The following P4HA1 variants were observed in gnomAD, a reference collection of about 807,000 sequenced individuals.
P4HA1 encodes prolyl 4-hydroxylase subunit alpha 1.
Under a neutral mutation model 72.8 loss-of-function variants are expected in P4HA1, and 24 were observed. That is an observed-to-expected ratio of 0.33 (90% confidence interval 0.24 to 0.46). The LOEUF is 0.46. Among genes scored for constraint, P4HA1 ranks in the 20% least tolerant of loss-of-function variants. P4HA1 has a pLI of 1.00. For synonymous variants in P4HA1, 201 were observed against 218.8 expected (o/e 0.92, Z 0.72); for missense variants, 446 against 640.6 (o/e 0.70, Z 3.28).
At chr10:73,025,305 G>T (rs1377373396) in intron 10 of P4HA1, among the ~76,000 whole-genome samples, 1 of 152,146 alleles carries the variant, frequency 6.6e-6, no homozygotes, top group East Asian at 1.9e-4. Flanking sequence ...TGCAAGGCTG[G>T]TTCAACATAC....
chr10:73,024,974 C>G (rs1261394815), intron 10 of P4HA1, among the ~76,000 whole-genome samples: 1 of 152,138 alleles, frequency 6.6e-6, no homozygotes, highest in East Asian at 1.9e-4. Flanking sequence ...ATAACAGACT[C>G]TGAAATTGAG....
chr10:73,069,605 CCTAAT>C, intron 4 of P4HA1, among the ~76,000 whole-genome samples: 1 of 152,044 alleles, frequency 6.6e-6, no homozygotes, highest in East Asian at 1.9e-4. Flanking sequence ...AATATATAAA[CCTAAT>C]CTTAGAGGAT....
At chr10:73,089,612 T>G (rs1442746953) in intron 1 of P4HA1, among the ~76,000 whole-genome samples, 2 of 151,274 alleles carry the variant, frequency 1.3e-5, no homozygotes, top group East Asian at 3.9e-4. Context: ...TCATGGTATA[T>G]TCATAAAATA....
chr10:73,047,868 C>T (rs1564628079), intron 7 of P4HA1, among the ~76,000 whole-genome samples: 1 of 152,014 alleles, frequency 6.6e-6, no homozygotes, highest in African/African-American at 2.4e-5. Flanking sequence ...CTAGGTCACA[C>T]AGCGAAATCT....
rs1245435970 is a variant in P4HA1 at position 73,037,554 on chromosome 10, TATATATATATA to T, written c.1149-7195_1149-7185del. Among the ~76,000 whole-genome samples, 73 of 33,150 alleles carry T rather than the reference TATATATATATA, an allele frequency of 2.2e-3. 3 individuals carry two copies. Among genetic ancestry groups the T allele is most frequent in the Admixed American group, 5.1e-3 (12 of 2,346 alleles). The allele number at this position is 33,150 out of a possible 152,430, so 21.7% of individuals were successfully genotyped here. A position where few individuals can be genotyped will look rare whatever the true frequency, so the allele number is the denominator to read the frequency against. On this transcript the variant is annotated intron_variant, in intron 9 of 14. Coordinates refer to ENST00000394890, the MANE Select transcript of P4HA1 (RefSeq NM_001017962.3). ...ATATATATATATATATATATATATA[TATATATATATA>T]TATATATTTTTTTTTTTTTTTTTTT...
chr10:73,083,411 A>G (rs1254816565), intron 1 of P4HA1, among the ~76,000 whole-genome samples: 4 of 152,216 alleles, frequency 2.6e-5, no homozygotes, highest in Admixed American at 6.5e-5. Context: ...ACTTATTGGC[A>G]TAATTCCAAA....
chr10:73,051,355 C>G, intron 6 of P4HA1, 106 bp from the exon 7 acceptor site: 1 of 654,108 alleles, frequency 1.5e-6, no homozygotes, highest in Admixed American at 2.9e-5. Flanking sequence ...TCTTCCAAAC[C>G]AGGTTGCTGT....
At chr10:73,024,144 T>C (rs966468792) in intron 10 of P4HA1, among the ~76,000 whole-genome samples, 5 of 152,208 alleles carry the variant, frequency 3.3e-5, no homozygotes, top group African/African-American at 9.6e-5. Context: ...ACCATTATAA[T>C]AGACATCTAC....
intron 1 of P4HA1, among the ~76,000 whole-genome samples, chr10:73,077,554 C>G (rs562014106): frequency 1.3e-5 from 2 of 152,246 alleles, no homozygotes; most frequent in East Asian, 3.9e-4. Context: ...GAATAAATAT[C>G]TTTACCTTAC....
chr10:73,063,576 T>G (rs59267611), intron 5 of P4HA1, among the ~76,000 whole-genome samples: 16,341 of 152,256 alleles, frequency 0.11, 1,267 homozygotes, highest in East Asian at 0.3. Context: ...TTTTTTCGGT[T>G]ACGAGAACTA....
chr10:73,038,371 AAAAAATG>A (rs1389776517), intron 9 of P4HA1, among the ~76,000 whole-genome samples: 1 of 152,152 alleles, frequency 6.6e-6, no homozygotes, highest in East Asian at 1.9e-4. Context: ...CTTCAGAGTA[AAAAAATG>A]AAAATCACTT....
intron 1 of P4HA1, among the ~76,000 whole-genome samples, chr10:73,094,927 G>T (rs113949876): frequency 0.051 from 7,753 of 151,962 alleles, 612 homozygotes; most frequent in African/African-American, 0.17. Flanking sequence ...GTAATTATCC[G>T]CCTACCAAAG....
intron 5 of P4HA1, among the ~76,000 whole-genome samples, chr10:73,060,179 T>TAATAGTATGAATAA (rs1841279124): frequency 1.3e-5 from 2 of 152,304 alleles, no homozygotes; most frequent in African/African-American, 4.8e-5. Context: ...TTAATGTTAT[T>TAATAGTATGAATAA]AATAGTATGA....
chr10:73,089,730 G>A (rs552767478), intron 1 of P4HA1, among the ~76,000 whole-genome samples: 381 of 145,040 alleles, frequency 2.6e-3, no homozygotes, highest in African/African-American at 9.1e-3. Flanking sequence ...AAAAAAAAGC[G>A]TATATACAAT....
intron 12 of P4HA1, among the ~76,000 whole-genome samples, chr10:73,012,551 G>A (rs1401855707): frequency 6.6e-6 from 1 of 152,088 alleles, no homozygotes; most frequent in African/African-American, 2.4e-5. Flanking sequence ...AGTTGTGAGA[G>A]AAATACAAAT....
At chr10:73,026,478 T>C (rs978879743) in intron 10 of P4HA1, among the ~76,000 whole-genome samples, 3 of 152,166 alleles carry the variant, frequency 2.0e-5, no homozygotes, top group African/African-American at 7.2e-5. Context: ...AAGACTTAAA[T>C]GTTAGACCTA....
intron 10 of P4HA1, among the ~76,000 whole-genome samples, chr10:73,028,732 G>T (rs1343619661): frequency 6.7e-6 from 1 of 149,790 alleles, no homozygotes; most frequent in Non-Finnish European, 1.5e-5. Flanking sequence ...ACCAGACCCG[G>T]ACAACAGTTT....
At chr10:73,057,394 G>A (rs1489286630) in intron 5 of P4HA1, among the ~76,000 whole-genome samples, 1 of 152,090 alleles carries the variant, frequency 6.6e-6, no homozygotes, top group Non-Finnish European at 1.5e-5. Context: ...GGAAGCTGAG[G>A]CAGGAGAATG....
intron 2 of P4HA1, among the ~76,000 whole-genome samples, chr10:73,074,399 C>T (rs1419155574): frequency 6.6e-6 from 1 of 152,014 alleles, no homozygotes; most frequent in Admixed American, 6.6e-5. Flanking sequence ...AGGAGAATCC[C>T]TTGAGGCCAG....
Sources: gnomAD v4.1 joint callset for allele counts (sites outside exome capture counted in the v4.1 genomes callset) on GRCh38, gnomAD v4.1.1 for gene constraint, MANE v1.5 for transcripts, NCBI Gene and HGNC (gene_info 2026-07-23, HGNC 2026-07-21) for gene names.